The following CLASP2 variants were observed in gnomAD, a reference collection of about 807,000 sequenced individuals.
The protein encoded by CLASP2 is CLIP-associating protein 2.
A neutral mutation model predicts 194.4 loss-of-function variants in CLASP2; 47 were observed. That is an observed-to-expected ratio of 0.24 (90% CI 0.19 to 0.31). The LOEUF (loss-of-function observed/expected upper bound fraction) is 0.31, where lower values mean the gene tolerates loss of function less well. Ranked by LOEUF, CLASP2 falls within the 10% of genes least tolerant of loss-of-function variation. The pLI is 1.00. For missense variants in CLASP2, 1,445 were observed against 1,823.6 expected (o/e 0.79, Z 3.78); for synonymous variants, 619 against 633.5 (o/e 0.98, Z 0.34).
At chr3:33,514,709 A>G in intron 36 of CLASP2, 1 of 361,014 alleles carries the variant, frequency 2.8e-6, no homozygotes, top group South Asian at 2.2e-5. Flanking sequence ...GATATGAAAA[A>G]GATACTTGCA....
At chr3:33,506,149 T>C (rs1281181421) in intron 37 of CLASP2, among the ~76,000 whole-genome samples, 2 of 151,372 alleles carry the variant, frequency 1.3e-5, no homozygotes, top group Non-Finnish European at 2.9e-5. Context: ...CCGAGGCAGG[T>C]GGATCATGAG....
intron 26 of CLASP2, among the ~76,000 whole-genome samples, chr3:33,568,465 A>G (rs147929121): frequency 0.069 from 10,461 of 150,530 alleles, 443 homozygotes; most frequent in Admixed American, 0.1. Context: ...GAGGCATGAG[A>G]ATCGCTTGAA....
In CLASP2 at chr3:33,608,636, A is replaced by G. The variant is rs1323646926; in HGVS notation, c.1389-10T>C. 3.1e-6 allele frequency: 5 copies of G among 1,588,514 alleles called. No individual in the cohort carries two copies. The highest frequency in any genetic ancestry group is 1.1e-5 in the South Asian group (1 of 88,424). On this transcript the variant is annotated splice_polypyrimidine_tract_variant and intron_variant, in intron 13 of 38. Coordinates refer to ENST00000682230, the MANE Select transcript of CLASP2 (RefSeq NM_001365631.1). ...AAATTCAAATGAACGTCTGAAAAAT[A>G]AAAGTTGAATGATAACTAAATGTTG...
chr3:33,699,872 C>CA (rs34347002), intron 1 of CLASP2, among the ~76,000 whole-genome samples: 3,402 of 93,860 alleles, frequency 0.036, 71 homozygotes, highest in Admixed American at 0.097. Flanking sequence ...ATTGTACTAC[C>CA]AAAAAAAAAA....
Position 33,634,119 on chromosome 3 carries a change from GAAC to G in CLASP2, c.863-1751_863-1749del, listed in dbSNP as rs1275591348. On this transcript the variant is annotated intron_variant, in intron 8 of 38. Transcript: ENST00000682230. Reference sequence around the variant, plus strand: ...GAGAAAGAAGAGATCACCTAGAAAGGAACAACAATTTGAACAACAGATTTCTCA... The same window carrying G: ...GAGAAAGAAGAGATCACCTAGAAAGGAACAATTTGAACAACAGATTTCTCA... Among the ~76,000 whole-genome samples, 8 of 152,220 alleles carry G rather than the reference GAAC, an allele frequency of 5.3e-5. No individual in the cohort carries two copies. In the South Asian group the frequency reaches 6.2e-4, roughly 12 times the overall value.
At chr3:33,637,692 CA>C (rs2080428867) in intron 8 of CLASP2, among the ~76,000 whole-genome samples, 1 of 152,114 alleles carries the variant, frequency 6.6e-6, no homozygotes, top group African/African-American at 2.4e-5. Flanking sequence ...GTTGGCCAGA[CA>C]GATAGGTGGA....
intron 1 of CLASP2, among the ~76,000 whole-genome samples, chr3:33,717,001 A>G (rs1240919094): frequency 6.6e-6 from 1 of 152,236 alleles, no homozygotes; most frequent in Non-Finnish European, 1.5e-5. Flanking sequence ...ACTAACGACT[A>G]CGGGGCAAGT....
chr3:33,698,080 A>C (rs1183750505), intron 1 of CLASP2, among the ~76,000 whole-genome samples: 1 of 152,194 alleles, frequency 6.6e-6, no homozygotes, highest in Non-Finnish European at 1.5e-5. Context: ...AGGATATTGG[A>C]TAAAGTATCT....
At chr3:33,665,166 C>T (rs2085976052) in intron 6 of CLASP2, among the ~76,000 whole-genome samples, 1 of 150,616 alleles carries the variant, frequency 6.6e-6, no homozygotes, top group African/African-American at 2.4e-5. Context: ...AAAAGCAGAA[C>T]AAGACATGAA....
chr3:33,515,491 A>G (rs2051045689), intron 36 of CLASP2, among the ~76,000 whole-genome samples: 1 of 152,184 alleles, frequency 6.6e-6, no homozygotes, highest in Non-Finnish European at 1.5e-5. Flanking sequence ...TCTACAAAAA[A>G]TACCAAAAAT....
intron 7 of CLASP2, among the ~76,000 whole-genome samples, chr3:33,652,497 G>A (rs2083388677): frequency 2.0e-5 from 3 of 152,172 alleles, no homozygotes; most frequent in African/African-American, 7.2e-5. Context: ...GGTCCCTCTA[G>A]CTAAGTCTCT....
intron 34 of CLASP2, among the ~76,000 whole-genome samples, chr3:33,523,627 G>A (rs2053735946): frequency 6.6e-6 from 1 of 152,148 alleles, no homozygotes; most frequent in Admixed American, 6.5e-5. Flanking sequence ...GAAACCATAT[G>A]AAGAAATACA....
intron 29 of CLASP2, chr3:33,559,014 A>G (rs1198641575): frequency 2.3e-6 from 1 of 436,196 alleles, no homozygotes; most frequent in Non-Finnish European, 4.2e-6. Context: ...ATTTGAAATC[A>G]AATGTGTGCA....
intron 9 of CLASP2, among the ~76,000 whole-genome samples, chr3:33,629,795 G>GAA (rs112417294): frequency 2.9e-5 from 4 of 140,134 alleles, no homozygotes; most frequent in Non-Finnish European, 4.7e-5. Context: ...ACTTTGCTAT[G>GAA]AAAAAAAAAA....
intron 12 of CLASP2, 116 bp downstream of exon 12, chr3:33,619,487 C>T: frequency 1.1e-6 from 1 of 933,864 alleles, no homozygotes; most frequent in Non-Finnish European, 1.5e-6. Flanking sequence ...AAAAGAAACT[C>T]CATGACTTAC....
intron 10 of CLASP2, among the ~76,000 whole-genome samples, chr3:33,623,170 A>G (rs1260717728): frequency 6.6e-6 from 1 of 152,210 alleles, no homozygotes; most frequent in Non-Finnish European, 1.5e-5. Flanking sequence ...TATGAAGTAC[A>G]TGTGATATTT....
chr3:33,669,092 T>C (rs911812364), intron 6 of CLASP2, among the ~76,000 whole-genome samples: 10 of 152,208 alleles, frequency 6.6e-5, no homozygotes, highest in Non-Finnish European at 1.2e-4. Flanking sequence ...AGGAAAATTA[T>C]AGGTCATCAT....
At chr3:33,689,324 A>G (rs2091074987) in intron 3 of CLASP2, among the ~76,000 whole-genome samples, 1 of 152,092 alleles carries the variant, frequency 6.6e-6, no homozygotes, top group South Asian at 2.1e-4. Flanking sequence ...CAGAAAGCCA[A>G]AAACAACCTA....
At chr3:33,612,668 C>A (rs1271627277) in intron 12 of CLASP2, among the ~76,000 whole-genome samples, 1 of 152,112 alleles carries the variant, frequency 6.6e-6, no homozygotes, top group Admixed American at 6.6e-5. Flanking sequence ...TTAACATAAG[C>A]ATACATATTT....
Sources: allele counts gnomAD v4.1 joint callset (sites outside exome capture counted in the v4.1 genomes callset), GRCh38; gene constraint gnomAD v4.1.1; transcripts MANE v1.5; gene names NCBI Gene and HGNC (gene_info 2026-07-23, HGNC 2026-07-21).